ROBO2: variants seen among roughly 807,000 people sequenced by gnomAD.
ROBO2 encodes the protein roundabout guidance receptor 2, also known as roundabout homolog 2.
Under a neutral mutation model 160.8 loss-of-function variants are expected in ROBO2, and 53 were observed. The ratio of observed to expected loss-of-function variants is 0.33; its 90% CI spans 0.26 to 0.41. The LOEUF (loss-of-function observed/expected upper bound fraction) is 0.41. Ranked by LOEUF, ROBO2 falls within the 10% of genes least tolerant of loss-of-function variation. The pLI, the probability that ROBO2 is intolerant of heterozygous loss-of-function variation, is 1.00. For synonymous variants in ROBO2, 664 were observed against 611.7 expected, an observed-to-expected ratio of 1.09 and a Z score of -1.26; for missense variants, 1,577 against 1,722.4, an observed-to-expected ratio of 0.92 and a Z score of 1.49.
intron 2 of ROBO2, among the ~76,000 whole-genome samples, chr3:77,422,209 G>A (rs1319389389): frequency 1.3e-5 from 2 of 152,132 alleles, no homozygotes; most frequent in Non-Finnish European, 2.9e-5. Flanking sequence ...ACCTGAAGGC[G>A]AAATCAAGTT....
chr3:76,138,605 T>G (rs1206651336), intron 2 of ROBO2, among the ~76,000 whole-genome samples: 1 of 152,010 alleles, frequency 6.6e-6, no homozygotes, highest in Non-Finnish European at 1.5e-5. Context: ...GCAGTTGAAT[T>G]TTTTCAATCA....
chr3:76,350,639 A>G (rs1411420547), intron 2 of ROBO2, among the ~76,000 whole-genome samples: 2 of 152,054 alleles, frequency 1.3e-5, no homozygotes, highest in African/African-American at 2.4e-5. Context: ...GAGATACCAC[A>G]GAAGTCTGAA....
At chr3:76,798,986 G>A (rs1029772216) in intron 2 of ROBO2, among the ~76,000 whole-genome samples, 12 of 151,906 alleles carry the variant, frequency 7.9e-5, no homozygotes, top group African/African-American at 1.9e-4. Context: ...AGGCCGAGGC[G>A]GGTGCATCAC....
chr3:76,968,416 TA>T (rs2059414085), intron 2 of ROBO2, among the ~76,000 whole-genome samples: 1 of 152,280 alleles, frequency 6.6e-6, no homozygotes, highest in African/African-American at 2.4e-5. Flanking sequence ...CACAATGATC[TA>T]ATCAATCTAA....
chr3:77,104,396 G>A (rs2072497535), intron 2 of ROBO2, among the ~76,000 whole-genome samples: 1 of 151,988 alleles, frequency 6.6e-6, no homozygotes, highest in African/African-American at 2.4e-5. Context: ...GCATGTATTA[G>A]TACTTTATTC....
chr3:77,078,532 G>A (rs1049141432), intron 1 of ROBO2, among the ~76,000 whole-genome samples: 5 of 152,168 alleles, frequency 3.3e-5, no homozygotes, highest in Non-Finnish European at 7.3e-5. Context: ...GTCTTACATT[G>A]ATATGGTGCT....
chr3:76,457,168 A>G (rs1475238529), intron 2 of ROBO2, among the ~76,000 whole-genome samples: 2 of 152,206 alleles, frequency 1.3e-5, no homozygotes, highest in Non-Finnish European at 2.9e-5. Context: ...AAAAGTCCAC[A>G]GTCCAAAGTC....
intron 2 of ROBO2, among the ~76,000 whole-genome samples, chr3:76,154,928 G>A (rs1051906215): frequency 3.9e-5 from 6 of 152,012 alleles, no homozygotes; most frequent in African/African-American, 1.2e-4. Flanking sequence ...TTATTTCAGT[G>A]TCATGATTCA....
At chr3:76,078,052 A>G (rs1300997040) in intron 2 of ROBO2, among the ~76,000 whole-genome samples, 1 of 152,188 alleles carries the variant, frequency 6.6e-6, no homozygotes, top group Non-Finnish European at 1.5e-5. Flanking sequence ...ATTTTTCAAA[A>G]TTTCACAATA....
intron 2 of ROBO2, among the ~76,000 whole-genome samples, chr3:77,417,231 CTTT>C (rs10552785): frequency 0.012 from 1,661 of 141,878 alleles, 20 homozygotes; most frequent in Middle Eastern, 0.033. Flanking sequence ...AGGGTAACCA[CTTT>C]TTTTTTTTTT....
intron 2 of ROBO2, among the ~76,000 whole-genome samples, chr3:76,290,837 A>G (rs779984595): frequency 2.0e-5 from 3 of 152,066 alleles, no homozygotes; most frequent in Non-Finnish European, 2.9e-5. Flanking sequence ...TGATTTGTGT[A>G]TGTTGAATCA....
chr3:77,286,775 C>T (rs1347753197), intron 2 of ROBO2, among the ~76,000 whole-genome samples: 1 of 152,142 alleles, frequency 6.6e-6, no homozygotes, highest in African/African-American at 2.4e-5. Context: ...TAGTCTATTA[C>T]TCTTGAAGTC....
chr3:76,982,755 A>G (rs1408059402), intron 2 of ROBO2, among the ~76,000 whole-genome samples: 1 of 152,212 alleles, frequency 6.6e-6, no homozygotes, highest in Non-Finnish European at 1.5e-5. Context: ...TGACTTCTAT[A>G]CATTAAAATA....
intron 2 of ROBO2, among the ~76,000 whole-genome samples, chr3:77,119,580 G>A (rs917594521): frequency 3.3e-5 from 5 of 152,154 alleles, no homozygotes; most frequent in African/African-American, 9.7e-5. Context: ...AAAGAAGCAC[G>A]GAAGTAAAAT....
intron 2 of ROBO2, among the ~76,000 whole-genome samples, chr3:76,496,602 A>T (rs1026175537): frequency 2.1e-5 from 3 of 140,036 alleles, no homozygotes; most frequent in Non-Finnish European, 3.2e-5. Context: ...AGGCATCTCA[A>T]AGTTAAACTT....
intron 2 of ROBO2, among the ~76,000 whole-genome samples, chr3:76,684,938 G>A (rs996120256): frequency 1.3e-5 from 2 of 151,344 alleles, no homozygotes; most frequent in South Asian, 2.1e-4. Context: ...CAAAATTTTT[G>A]TATAGCATAT....
chr3:76,200,725 A>G (rs186883971), intron 2 of ROBO2, among the ~76,000 whole-genome samples: 61 of 152,274 alleles, frequency 4.0e-4, no homozygotes, highest in Middle Eastern at 3.4e-3. Context: ...GGAGGACCAG[A>G]TTATCCTATA....
intron 2 of ROBO2, among the ~76,000 whole-genome samples, chr3:77,461,959 C>G (rs2082291563): frequency 6.6e-6 from 1 of 152,124 alleles, no homozygotes; most frequent in Non-Finnish European, 1.5e-5. Context: ...CTTCTGACCT[C>G]AGGTGATCCA....
intron 2 of ROBO2, among the ~76,000 whole-genome samples, chr3:77,172,886 T>C (rs1247122972): frequency 6.6e-6 from 1 of 152,240 alleles, no homozygotes; most frequent in African/African-American, 2.4e-5. Context: ...CAACTGACCA[T>C]TCCATCAGTC....
Sources: allele counts gnomAD v4.1 joint callset (sites outside exome capture counted in the v4.1 genomes callset), GRCh38; gene constraint gnomAD v4.1.1; transcripts MANE v1.5; gene names NCBI Gene and HGNC (gene_info 2026-07-23, HGNC 2026-07-21).